The following MDFIC2 variants were observed in gnomAD, a reference collection of about 807,000 sequenced individuals.
The protein encoded by MDFIC2 is myoD family inhibitor domain-containing protein 2.
chr3:70,259,872 A>G (rs1701849517), intron 2 of MDFIC2, among the ~76,000 whole-genome samples: 1 of 152,176 alleles, frequency 6.6e-6, no homozygotes, highest in South Asian at 2.1e-4. Context: ...TCATGGTGGA[A>G]GGTGGAGGGG....
At chr3:70,236,154 A>C (rs1184826482) in intron 2 of MDFIC2, among the ~76,000 whole-genome samples, 1 of 152,054 alleles carries the variant, frequency 6.6e-6, no homozygotes, top group African/African-American at 2.4e-5. Context: ...TCATTCTTCA[A>C]CTCTCTCCTT....
chr3:70,230,038 C>A (rs1355409481), intron 2 of MDFIC2, among the ~76,000 whole-genome samples: 1 of 152,038 alleles, frequency 6.6e-6, no homozygotes, highest in African/African-American at 2.4e-5. Flanking sequence ...AGTGCTATGT[C>A]TTAGATGCTG....
intron 2 of MDFIC2, among the ~76,000 whole-genome samples, chr3:70,297,237 G>A (rs1479753972): frequency 9.9e-5 from 15 of 152,154 alleles, no homozygotes; most frequent in African/African-American, 3.6e-4. Flanking sequence ...ATTAGTTATT[G>A]TAAAATGAGT....
At chr3:70,288,939 G>C (rs1350864264) in intron 2 of MDFIC2, among the ~76,000 whole-genome samples, 1 of 151,538 alleles carries the variant, frequency 6.6e-6, no homozygotes, top group Admixed American at 6.6e-5. Context: ...CTTTTATTTT[G>C]AGCCTATGTG....
At chr3:70,277,207 A>G (rs2106677745) in intron 2 of MDFIC2, among the ~76,000 whole-genome samples, 1 of 152,336 alleles carries the variant, frequency 6.6e-6, no homozygotes, top group Non-Finnish European at 1.5e-5. Context: ...CATAGCCCGT[A>G]TCTCCAGCTG....
chr3:70,290,521 G>T (rs1009551233), intron 2 of MDFIC2, among the ~76,000 whole-genome samples: 9 of 152,220 alleles, frequency 5.9e-5, no homozygotes, highest in Admixed American at 2.6e-4. Flanking sequence ...TTGTTTGTCT[G>T]TGCCCTGCCC....
At chr3:70,213,461 GTGA>G (rs1256398702) in intron 2 of MDFIC2, among the ~76,000 whole-genome samples, 1 of 152,072 alleles carries the variant, frequency 6.6e-6, no homozygotes, top group East Asian at 1.9e-4. Flanking sequence ...AGCTATAATG[GTGA>G]ATTATGTTTT....
At chr3:70,292,730 C>G (rs1258353183) in intron 2 of MDFIC2, among the ~76,000 whole-genome samples, 1 of 151,518 alleles carries the variant, frequency 6.6e-6, no homozygotes, top group African/African-American at 2.4e-5. Context: ...TCTTTGATCA[C>G]ACACACACAC....
At chr3:70,299,059 A>G (rs1702319348) in intron 2 of MDFIC2, among the ~76,000 whole-genome samples, 1 of 152,152 alleles carries the variant, frequency 6.6e-6, no homozygotes, top group African/African-American at 2.4e-5. Context: ...TAGCCAGATT[A>G]TAAGGAGATA....
intron 2 of MDFIC2, among the ~76,000 whole-genome samples, chr3:70,274,282 A>G: frequency 6.6e-6 from 1 of 152,082 alleles, no homozygotes; most frequent in East Asian, 1.9e-4. Flanking sequence ...AATATTTTAG[A>G]GCTTTTGATT....
At chr3:70,290,315 T>C (rs1702222000) in intron 2 of MDFIC2, among the ~76,000 whole-genome samples, 1 of 151,060 alleles carries the variant, frequency 6.6e-6, no homozygotes, top group African/African-American at 2.4e-5. Flanking sequence ...TGGAGTACCC[T>C]GCAGTGTAAG....
intron 2 of MDFIC2, among the ~76,000 whole-genome samples, chr3:70,259,668 C>T (rs1240520921): frequency 2.6e-5 from 4 of 152,158 alleles, no homozygotes; most frequent in African/African-American, 9.7e-5. Flanking sequence ...TCAGTGGGCT[C>T]CCATATTAGT....
At chr3:70,233,457 C>T (rs889690227) in intron 2 of MDFIC2, among the ~76,000 whole-genome samples, 4 of 152,234 alleles carry the variant, frequency 2.6e-5, no homozygotes, top group Admixed American at 6.5e-5. Flanking sequence ...CTTCCCTTTT[C>T]GTTGTTTGCT....
At chr3:70,223,329 A>G (rs1402900343) in intron 2 of MDFIC2, among the ~76,000 whole-genome samples, 1 of 152,094 alleles carries the variant, frequency 6.6e-6, no homozygotes, top group African/African-American at 2.4e-5. Context: ...CCCAAGCCCT[A>G]TCTCTTACCA....
chr3:70,217,154 C>A (rs1307451951), intron 2 of MDFIC2, among the ~76,000 whole-genome samples: 2 of 152,056 alleles, frequency 1.3e-5, no homozygotes, highest in Non-Finnish European at 2.9e-5. Context: ...TGTCAATTAA[C>A]TGCTATATCC....
intron 2 of MDFIC2, among the ~76,000 whole-genome samples, chr3:70,286,706 C>G (rs1290659204): frequency 6.6e-6 from 1 of 152,110 alleles, no homozygotes; most frequent in Non-Finnish European, 1.5e-5. Flanking sequence ...GAATGTTCTT[C>G]CATTTCTTTT....
At chr3:70,302,968 A>G (rs1430626355) in intron 2 of MDFIC2, among the ~76,000 whole-genome samples, 1 of 152,206 alleles carries the variant, frequency 6.6e-6, no homozygotes, top group Non-Finnish European at 1.5e-5. Flanking sequence ...GCCTATGAGA[A>G]CACAGAAGAT....
At chr3:70,243,263 T>C (rs1701678167) in intron 2 of MDFIC2, among the ~76,000 whole-genome samples, 1 of 152,166 alleles carries the variant, frequency 6.6e-6, no homozygotes, top group South Asian at 2.1e-4. Flanking sequence ...ATTTTTCAGC[T>C]GGTTTGTCTT....
At chr3:70,300,830 T>A (rs1238524914) in intron 2 of MDFIC2, among the ~76,000 whole-genome samples, 1 of 152,040 alleles carries the variant, frequency 6.6e-6, no homozygotes, top group African/African-American at 2.4e-5. Flanking sequence ...ATGTAGAGGT[T>A]TAAAGCTATA....
Sources: gnomAD v4.1 joint callset for allele counts (sites outside exome capture counted in the v4.1 genomes callset) on GRCh38, gnomAD v4.1.1 for gene constraint, MANE v1.5 for transcripts, NCBI Gene and HGNC (gene_info 2026-07-23, HGNC 2026-07-21) for gene names.